Variants in MAGI1 observed in about 807,000 individuals in gnomAD.
The protein encoded by MAGI1 is membrane-associated guanylate kinase, WW and PDZ domain-containing protein 1.
In MAGI1, 58 loss-of-function variants were observed where a neutral mutation model predicts 139.9. That is an observed-to-expected ratio of 0.41 (90% CI 0.34 to 0.52). MAGI1 has a LOEUF of 0.52. Ranked by LOEUF, MAGI1 falls within the 20% of genes least tolerant of loss-of-function variation. The pLI, the probability that MAGI1 is intolerant of heterozygous loss-of-function variation, is 0.12. For synonymous variants in MAGI1, 812 were observed against 737.9 expected (o/e 1.10, Z -1.63); for missense variants, 1,874 against 1,901.6 (o/e 0.99, Z 0.27).
chr3:65,968,503 C>T (rs1296006648), intron 1 of MAGI1, among the ~76,000 whole-genome samples: 1 of 151,742 alleles, frequency 6.6e-6, no homozygotes, highest in South Asian at 2.1e-4. Context: ...TAGCTGTAAA[C>T]GTGAAGTGGA....
chr3:65,509,487 A>G (rs1373241684), intron 2 of MAGI1, among the ~76,000 whole-genome samples: 2 of 152,214 alleles, frequency 1.3e-5, no homozygotes, highest in Non-Finnish European at 2.9e-5. Flanking sequence ...GCACTGCCTC[A>G]CTTGGGAAGC....
In MAGI1 at chr3:65,917,947, T is replaced by C. The variant is rs145290768; in HGVS notation, c.313+120049A>G. ...TCTTTGGGTGATAATGATGTGTCAA[T>C]GTAGGTTCATCAATTGTAACAAATG... On this transcript the variant is annotated intron_variant, in intron 1 of 22. Coordinates refer to ENST00000402939, the MANE Select transcript of MAGI1 (RefSeq NM_001033057.2). Among the ~76,000 whole-genome samples the C allele has an allele frequency of 2.1e-3, 321 of 152,292 alleles. 1 individual carries two copies. The highest frequency in any genetic ancestry group is 3.8e-3 in the Non-Finnish European group (256 of 68,032).
Position 65,470,350 on chromosome 3 carries a change from T to C in MAGI1, c.892A>G (p.Asn298Asp), listed in dbSNP as rs1282680062. The C allele has an allele frequency of 6.2e-7, 1 of 1,613,624 alleles. No homozygotes were observed. Among genetic ancestry groups the C allele is most frequent in the South Asian group, 1.1e-5 (1 of 91,066 alleles). ...PQYLPLSAED[N>D]LGPLPENWEM... ...CAGTTTTCAGGTAGAGGACCTAAAT[T>C]ATCCTCTGCAGAAAGAGGTAGGTAT... The change falls in exon 5 of 23, where the codon AAT (asparagine) becomes GAT (aspartate). Residue 298 changes from asparagine to aspartate, a missense_variant. Physicochemically the swap from Asn to Asp is conservative, Grantham distance 23. Around this residue, in one of 5 missense-constraint regions of MAGI1, gnomAD observed 648 missense variants for 598.1 expected, o/e 1.08. Coordinates refer to ENST00000402939, the MANE Select transcript of MAGI1 (RefSeq NM_001033057.2).
In MAGI1 at chr3:65,510,366, G is replaced by A. The variant is rs1054522122; in HGVS notation, c.431-16735C>T. Reference sequence around the variant, plus strand: ...CGATCAAATTACTCTGAGCTACGGGGGGACATTCAAACCAAAGGCAAAGAA... The same window carrying A: ...CGATCAAATTACTCTGAGCTACGGGAGGACATTCAAACCAAAGGCAAAGAA... On this transcript the variant is annotated intron_variant, in intron 2 of 22. Coordinates refer to ENST00000402939, the MANE Select transcript of MAGI1 (RefSeq NM_001033057.2). Among the ~76,000 whole-genome samples, 766 of 151,480 alleles carry A rather than the reference G, an allele frequency of 5.1e-3. 3 individuals are homozygous for A. The highest frequency in any genetic ancestry group is 0.018 in the African/African-American group (725 of 41,074).
intron 7 of MAGI1, among the ~76,000 whole-genome samples, chr3:65,446,136 AAAAGTACCATAAG>A (rs1948660276): frequency 6.6e-6 from 1 of 152,240 alleles, no homozygotes; most frequent in Non-Finnish European, 1.5e-5. Context: ...GTTAATGGAA[AAAAGTACCATAAG>A]AAAGTACTGA....
intron 12 of MAGI1, among the ~76,000 whole-genome samples, chr3:65,418,898 T>G (rs1426986993): frequency 1.3e-5 from 2 of 152,136 alleles, no homozygotes; most frequent in East Asian, 1.9e-4. Context: ...TTTTCACCCC[T>G]GCAGGCCTCC....
At chr3:66,018,168 T>C (rs2067768567) in intron 1 of MAGI1, among the ~76,000 whole-genome samples, 1 of 147,424 alleles carries the variant, frequency 6.8e-6, no homozygotes, top group Non-Finnish European at 1.5e-5. Context: ...TTTACAAGCC[T>C]GGCTGGAACA....
intron 1 of MAGI1, among the ~76,000 whole-genome samples, chr3:66,007,159 C>T (rs1298167318): frequency 6.6e-6 from 1 of 152,000 alleles, no homozygotes; most frequent in African/African-American, 2.4e-5. Context: ...ACATATGTCA[C>T]GTAAAGTCTA....
rs1947328084 is a variant in MAGI1, at chr3:65,429,612, T to C, written c.2075A>G (p.Lys692Arg). 6.2e-7 allele frequency: 1 copy of C among 1,614,016 alleles called. No homozygotes were observed. Among genetic ancestry groups the C allele is most frequent in the Non-Finnish European group, 8.5e-7 (1 of 1,179,952 alleles). The change falls in exon 12 of 23, where the codon AAG becomes AGG. Residue 692 changes from lysine to arginine, a missense_variant. This residue lies in a region of MAGI1 where 482 missense variants were observed against 509.6 expected (regional missense o/e 0.95). Coordinates refer to ENST00000402939, the MANE Select transcript of MAGI1 (RefSeq NM_001033057.2). ...EGDLIVEVNK[K>R]NVQALTHNQV... ...GTTGTGAGTTAGGGCCTGCACGTTC[T>C]TCTTATTAACTTCCACTATGAGATC...
intron 1 of MAGI1, among the ~76,000 whole-genome samples, chr3:65,908,937 T>G (rs1285450506): frequency 6.6e-6 from 1 of 152,206 alleles, no homozygotes; most frequent in Non-Finnish European, 1.5e-5. Context: ...GAGTCAATTT[T>G]TTAATAAAAG....
At chr3:65,715,736 G>C (rs1195967065) in intron 1 of MAGI1, among the ~76,000 whole-genome samples, 1 of 152,186 alleles carries the variant, frequency 6.6e-6, no homozygotes, top group Non-Finnish European at 1.5e-5. Flanking sequence ...TATTTCATGT[G>C]AAAGATAATT....
At chr3:65,672,423 A>T (rs1042836645) in intron 1 of MAGI1, among the ~76,000 whole-genome samples, 6 of 152,226 alleles carry the variant, frequency 3.9e-5, no homozygotes, top group African/African-American at 9.6e-5. Context: ...AGCCATTTTT[A>T]AAAAATTTTA....
chr3:65,910,673 C>T (rs1309903628), intron 1 of MAGI1, among the ~76,000 whole-genome samples: 1 of 151,786 alleles, frequency 6.6e-6, no homozygotes, highest in Non-Finnish European at 1.5e-5. Flanking sequence ...GAAACGAGTG[C>T]CCCCAACCTC....
intron 5 of MAGI1, among the ~76,000 whole-genome samples, chr3:65,454,690 GT>G (rs1233012042): frequency 6.7e-6 from 1 of 150,038 alleles, no homozygotes; most frequent in African/African-American, 2.5e-5. Flanking sequence ...GTTTGCCAAA[GT>G]TTTTTATTTT....
At chr3:65,674,213 G>A (rs796695119) in intron 1 of MAGI1, among the ~76,000 whole-genome samples, 1 of 152,176 alleles carries the variant, frequency 6.6e-6, no homozygotes, top group Non-Finnish European at 1.5e-5. Flanking sequence ...AAGTAGCTAA[G>A]ATTTCTGCAT....
chr3:65,384,902 C>A (rs1280469636), intron 14 of MAGI1, among the ~76,000 whole-genome samples: 1 of 151,956 alleles, frequency 6.6e-6, no homozygotes, highest in Admixed American at 6.6e-5. Context: ...AACCAATCCC[C>A]AGCAGACACT....
At chr3:65,837,902 A>G (rs1022747300) in intron 1 of MAGI1, among the ~76,000 whole-genome samples, 5 of 152,296 alleles carry the variant, frequency 3.3e-5, no homozygotes, top group Admixed American at 1.3e-4. Flanking sequence ...TCTTATTTTT[A>G]AACTTTTTAT....
chr3:65,514,362 T>A, intron 2 of MAGI1, among the ~76,000 whole-genome samples: 2 of 72,810 alleles, frequency 2.7e-5, no homozygotes, highest in Non-Finnish European at 5.6e-5. Context: ...ACCATCAGAG[T>A]GAACAGGCAA....
At chr3:65,847,196 A>C (rs1040831045) in intron 1 of MAGI1, among the ~76,000 whole-genome samples, 13 of 152,184 alleles carry the variant, frequency 8.5e-5, no homozygotes, top group African/African-American at 3.1e-4. Context: ...AGCATGACAA[A>C]TCACAAATCA....
Sources: allele counts gnomAD v4.1 joint callset (sites outside exome capture counted in the v4.1 genomes callset), GRCh38; gene constraint gnomAD v4.1.1; regional missense constraint gnomAD v4.1.1; transcripts MANE v1.5; gene names NCBI Gene and HGNC (gene_info 2026-07-23, HGNC 2026-07-21).